Variants in ATP2B2 observed in about 807,000 individuals in gnomAD.
The protein encoded by ATP2B2 is ATPase plasma membrane Ca2+ transporting 2.
A neutral mutation model predicts 120.0 loss-of-function variants in ATP2B2; 15 were observed. The observed-to-expected ratio is 0.12, with a 90% CI of 0.08 to 0.19. The LOEUF (loss-of-function observed/expected upper bound fraction) is 0.19, where lower values mean the gene tolerates loss of function less well. Ranked by LOEUF, ATP2B2 falls within the 10% of genes least tolerant of loss-of-function variation. The probability of loss-of-function intolerance (pLI) is 1.00; values close to 1 mark genes in which losing one functional copy is unlikely to be tolerated. For synonymous variants in ATP2B2, 694 were observed against 700.3 expected (o/e 0.99, Z 0.14); for missense variants, 1,045 against 1,719.8 (o/e 0.61, Z 6.94).
chr3:10,569,870 T>C (rs1435599649), intron 2 of ATP2B2, among the ~76,000 whole-genome samples: 1 of 152,206 alleles, frequency 6.6e-6, no homozygotes, highest in Non-Finnish European at 1.5e-5. Context: ...CTGGCTCTAT[T>C]TGCCTAACAC....
chr3:10,519,915 T>G (rs2066949121), intron 3 of ATP2B2, among the ~76,000 whole-genome samples: 1 of 152,200 alleles, frequency 6.6e-6, no homozygotes, highest in Non-Finnish European at 1.5e-5. Context: ...TGGGATCGAA[T>G]GCAGGGGTTT....
intron 22 of ATP2B2, among the ~76,000 whole-genome samples, chr3:10,333,375 A>G (rs1297744430): frequency 6.6e-6 from 1 of 151,988 alleles, no homozygotes; most frequent in Non-Finnish European, 1.5e-5. Flanking sequence ...TCATCCCATC[A>G]AATTGGGGCC....
At chr3:10,616,463 C>T (rs991544524) in intron 2 of ATP2B2, among the ~76,000 whole-genome samples, 1 of 152,178 alleles carries the variant, frequency 6.6e-6, no homozygotes, top group Non-Finnish European at 1.5e-5. Context: ...GTCGTTTAAG[C>T]CCTCCAGTCT....
intron 2 of ATP2B2, among the ~76,000 whole-genome samples, chr3:10,448,894 A>G (rs9838620): frequency 0.084 from 12,770 of 152,226 alleles, 1,837 homozygotes; most frequent in African/African-American, 0.29. Flanking sequence ...CCGGGCCTGC[A>G]TGGTTGGAAC....
At chr3:10,525,207 A>G (rs1209576399) in intron 3 of ATP2B2, among the ~76,000 whole-genome samples, 1 of 152,132 alleles carries the variant, frequency 6.6e-6, no homozygotes, top group Non-Finnish European at 1.5e-5. Flanking sequence ...AGACCTCAGC[A>G]CCCCTGACAC....
In ATP2B2 at chr3:10,681,776, C is replaced by T. The variant is rs1575618816; in HGVS notation, c.-460+26139G>A. On this transcript the variant is annotated intron_variant, in intron 1 of 21. Transcript: ENST00000646379. Reference sequence around the variant, plus strand: ...AGACTTATCAATGTTAAGGAACTTGCTCTAAGTCGTGCAGCTAGTAAATGG... The same window carrying T: ...AGACTTATCAATGTTAAGGAACTTGTTCTAAGTCGTGCAGCTAGTAAATGG... 2.0e-5 allele frequency among the ~76,000 whole-genome samples: 3 copies of T among 152,338 alleles called. 1 individual carries two copies.
At chr3:10,350,358 A>G (rs1363922129) in intron 15 of ATP2B2, 40 bp downstream of exon 15, 1 of 1,613,648 alleles carries the variant, frequency 6.2e-7, no homozygotes, top group African/African-American at 1.3e-5. Flanking sequence ...CTCCCATCTG[A>G]GCGCGTTCCC....
chr3:10,401,629 A>T (rs2062223159), intron 4 of ATP2B2, among the ~76,000 whole-genome samples: 1 of 152,220 alleles, frequency 6.6e-6, no homozygotes, highest in South Asian at 2.1e-4. Flanking sequence ...GCAGTAGCAC[A>T]GGCCCAGAAT....
In ATP2B2 at chr3:10,370,805, C is replaced by G. The variant is rs1355220079; in HGVS notation, c.1659+1004G>C. ...AAACAAAAAAGCTTAGCTGATCACC[C>G]AGATGCTCTCAAGGCAGAAACGTTC... On this transcript the variant is annotated intron_variant, in intron 12 of 22. Transcript: ENST00000360273. Among the ~76,000 whole-genome samples, 3 of 152,190 alleles carry G rather than the reference C, an allele frequency of 2.0e-5. No homozygotes were observed. The South Asian group carries it at 6.2e-4, about 32-fold the overall frequency.
intron 1 of ATP2B2, among the ~76,000 whole-genome samples, chr3:10,472,059 C>T (rs1478293179): frequency 1.4e-5 from 2 of 138,542 alleles, no homozygotes; most frequent in East Asian, 2.2e-4. Flanking sequence ...CCCGCCTGGG[C>T]CACAGAGCGA....
chr3:10,627,426 C>T (rs1174608360), intron 1 of ATP2B2, among the ~76,000 whole-genome samples: 1 of 152,162 alleles, frequency 6.6e-6, no homozygotes, highest in Non-Finnish European at 1.5e-5. Flanking sequence ...GAGGCCTGGA[C>T]AAACAAAGAT....
chr3:10,449,030 T>A (rs1449169167), intron 2 of ATP2B2, among the ~76,000 whole-genome samples: 1 of 152,190 alleles, frequency 6.6e-6, no homozygotes, highest in Non-Finnish European at 1.5e-5. Flanking sequence ...GTGCCTCCCA[T>A]AGTAACAGAA....
chr3:10,529,450 A>T (rs2067165923), intron 3 of ATP2B2, among the ~76,000 whole-genome samples: 1 of 152,194 alleles, frequency 6.6e-6, no homozygotes, highest in Non-Finnish European at 1.5e-5. Flanking sequence ...CAGGCTCTTT[A>T]TGTAAGACAA....
At chr3:10,489,792 C>T (rs772842982) in intron 1 of ATP2B2, among the ~76,000 whole-genome samples, 28 of 152,240 alleles carry the variant, frequency 1.8e-4, no homozygotes, top group Non-Finnish European at 4.0e-4. Flanking sequence ...ATCCCTCCAA[C>T]CCATTATCCT....
intron 2 of ATP2B2, among the ~76,000 whole-genome samples, chr3:10,605,649 TAC>T (rs2069042695): frequency 1.4e-5 from 1 of 73,676 alleles, no homozygotes; most frequent in Admixed American, 1.8e-4. Context: ...ACCCTATCTT[TAC>T]AGTTTTTTTT....
At chr3:10,405,706 G>A (rs977195001) in intron 3 of ATP2B2, among the ~76,000 whole-genome samples, 1 of 152,158 alleles carries the variant, frequency 6.6e-6, no homozygotes, top group Non-Finnish European at 1.5e-5. Flanking sequence ...GTCTGTGTAA[G>A]CTTGGGGAAT....
At chr3:10,619,499 G>A (rs918150986) in intron 2 of ATP2B2, among the ~76,000 whole-genome samples, 3 of 152,190 alleles carry the variant, frequency 2.0e-5, no homozygotes, top group Admixed American at 6.5e-5. Context: ...CAGCCACAGA[G>A]CCCACACAGG....
Position 10,375,630 on chromosome 3 carries a change from C to T in ATP2B2, c.1216G>A (p.Ala406Thr). 6.2e-7 allele frequency: 1 copy of T among 1,613,682 alleles called. No individual in the cohort carries two copies. The change falls in exon 11 of 23, where the codon GCC (alanine) becomes ACC (threonine). Residue 406 changes from alanine to threonine, a missense_variant. Around this residue, in one of 11 missense-constraint regions of ATP2B2, gnomAD observed 343 missense variants for 536.8 expected, o/e 0.64. Coordinates refer to ENST00000360273, the MANE Select transcript of ATP2B2 (RefSeq NM_001001331.4). The surrounding 1 kb of genome is among the most constrained non-coding windows in gnomAD (Gnocchi z 4.2). Reference protein sequence around the residue: ...QIGKAGLVMSAITVIILVLYF... With the variant: ...QIGKAGLVMSTITVIILVLYF... The stretch of plus-strand genomic sequence containing the variant: ...AGCACCAGGATGATCACCGTGATGG[C>T]TGACATCACCAAGCCTGCAATGTGA...
chr3:10,479,064 G>A (rs1386463255), intron 1 of ATP2B2, among the ~76,000 whole-genome samples: 1 of 150,734 alleles, frequency 6.6e-6, no homozygotes, highest in Non-Finnish European at 1.5e-5. Flanking sequence ...CCCCAGCCAA[G>A]AGGAACTGTG....
Sources: allele counts gnomAD v4.1 joint callset (sites outside exome capture counted in the v4.1 genomes callset), GRCh38; gene constraint gnomAD v4.1.1; regional missense constraint gnomAD v4.1.1; non-coding constraint Gnocchi (gnomAD v3.1); transcripts MANE v1.5; gene names NCBI Gene and HGNC (gene_info 2026-07-23, HGNC 2026-07-21).